COPS5: variants seen among roughly 807,000 people sequenced by gnomAD.
The protein encoded by COPS5 is COP9 signalosome subunit 5, also known as COP9 signalosome complex subunit 5.
Under a neutral mutation model 44.4 loss-of-function variants are expected in COPS5, and 8 were observed. The observed-to-expected ratio is 0.18, with a 90% confidence interval of 0.11 to 0.32. COPS5 has a LOEUF of 0.32. COPS5 is among the 10% of genes least tolerant of loss of function. The pLI is 1.00. For synonymous variants in COPS5, 122 were observed against 142.8 expected (o/e 0.85, Z 1.04); for missense variants, 159 against 406.4 (o/e 0.39, Z 5.23).
In COPS5 at chr8:67,043,089, A is replaced by G. The variant is rs891631537; in HGVS notation, c.*144T>C. On this transcript the variant is annotated 3_prime_UTR_variant, in exon 8 of 8. Transcript: ENST00000357849. Reference sequence around the variant, plus strand: ...AAAATCAAAGGACAATTTCATTTTAAAGAGCTTTATTACAGGATATTAATA... The same window carrying G: ...AAAATCAAAGGACAATTTCATTTTAGAGAGCTTTATTACAGGATATTAATA... The G allele has an allele frequency of 6.2e-6, 3 of 484,556 alleles. No homozygotes were observed. Among genetic ancestry groups the G allele is most frequent in the Non-Finnish European group, 1.1e-5 (3 of 270,588 alleles). The allele number at this position is 484,556 out of a possible 1,614,324, so 30.0% of individuals were successfully genotyped here. A position where few individuals can be genotyped will look rare whatever the true frequency, so the allele number is the denominator to read the frequency against.
At chr8:67,051,549 CCTT>C (rs1804412722) in intron 5 of COPS5, among the ~76,000 whole-genome samples, 1 of 152,168 alleles carries the variant, frequency 6.6e-6, no homozygotes, top group Non-Finnish European at 1.5e-5. Flanking sequence ...TTGTTTTATT[CCTT>C]TTTTTCTGTA....
At chr8:67,053,565 G>T (rs1425454932) in intron 5 of COPS5, among the ~76,000 whole-genome samples, 1 of 151,428 alleles carries the variant, frequency 6.6e-6, no homozygotes, top group African/African-American at 2.4e-5. Context: ...GCTGGGTGTG[G>T]TGGTGTGTGC....
intron 6 of COPS5, among the ~76,000 whole-genome samples, chr8:67,049,566 G>A (rs1246899079): frequency 1.3e-5 from 2 of 152,176 alleles, no homozygotes; most frequent in South Asian, 2.1e-4. Context: ...CATATTCTGG[G>A]AGAATAATTC....
At chr8:67,061,433 A>AAAAAG in intron 1 of COPS5, 3 of 447,288 alleles carry the variant, frequency 6.7e-6, no homozygotes. Flanking sequence ...CTATTAAAAA[A>AAAAAG]AAAAGAAAAG....
At chr8:67,056,710 T>C (rs1253906396) in intron 4 of COPS5, 106 bp from the exon 5 acceptor site, 1 of 106,324 alleles carries the variant, frequency 9.4e-6, no homozygotes, top group Non-Finnish European at 1.7e-5. Context: ...TATATATATA[T>C]AAAAATGAGA....
At chr8:67,057,297 TA>T in intron 4 of COPS5, 82 bp downstream of exon 4, 1 of 864,604 alleles carries the variant, frequency 1.2e-6, no homozygotes, top group Non-Finnish European at 1.8e-6. Context: ...TGTAGTACAC[TA>T]TGATCATGCC....
At chr8:67,055,518 C>A (rs999840911) in intron 5 of COPS5, among the ~76,000 whole-genome samples, 1 of 151,924 alleles carries the variant, frequency 6.6e-6, no homozygotes, top group Admixed American at 6.6e-5. Context: ...CCATTGGCTT[C>A]TTTAACATTA....
intron 6 of COPS5, among the ~76,000 whole-genome samples, chr8:67,050,070 G>A (rs1051015143): frequency 6.8e-6 from 1 of 147,412 alleles, no homozygotes; most frequent in African/African-American, 2.5e-5. Context: ...GCGCGATCTC[G>A]GCTCACTGCA....
intron 6 of COPS5, chr8:67,047,621 T>C (rs1816717227): frequency 2.1e-6 from 1 of 475,706 alleles, no homozygotes; most frequent in African/African-American, 1.9e-5. Context: ...TATATCTACA[T>C]ATTTGTTCTT....
At chr8:67,055,923 A>G (rs77590777) in intron 5 of COPS5, among the ~76,000 whole-genome samples, 12,540 of 151,958 alleles carry the variant, frequency 0.083, 1,052 homozygotes, top group African/African-American at 0.21. Flanking sequence ...TTACACTTTT[A>G]TAACTTTGAC....
chr8:67,058,708 A>G (rs1804545882), intron 2 of COPS5, among the ~76,000 whole-genome samples: 1 of 152,138 alleles, frequency 6.6e-6, no homozygotes. Context: ...AAAAAAAAAT[A>G]AAATCCATGC....
At chr8:67,060,888 C>G (rs1804592102) in intron 1 of COPS5, 1 of 172,304 alleles carries the variant, frequency 5.8e-6, no homozygotes, top group Non-Finnish European at 1.3e-5. Flanking sequence ...GTGGAAATCT[C>G]TAGCTAGGTG....
At chr8:67,054,209 G>A (rs1054938102) in intron 5 of COPS5, among the ~76,000 whole-genome samples, 1 of 152,076 alleles carries the variant, frequency 6.6e-6, no homozygotes, top group African/African-American at 2.4e-5. Context: ...AAGGAAGACA[G>A]AAGGATAAAC....
chr8:67,043,166 G>A lies in COPS5; in HGVS notation c.*67C>T, dbSNP rs1402634868. ...CTTCTAATCAGATTTTGGGTAACTG[G>A]TTTTAAAGTGTTACTTGAATATTTT... is the stretch of plus-strand genomic sequence containing the variant. On this transcript the variant is annotated 3_prime_UTR_variant, in exon 8 of 8. Transcript: ENST00000357849. 1 of 924,070 alleles carries A rather than the reference G, an allele frequency of 1.1e-6. No homozygotes were observed. The highest frequency in any genetic ancestry group is 2.6e-5 in the East Asian group (1 of 39,184). The allele number at this position is 924,070 out of a possible 1,614,324, so 57.2% of individuals were successfully genotyped here.
At position 67,062,121 on chromosome 8, in the gene COPS5, A is replaced by T. The variant is rs1175357586; in HGVS notation, c.-125T>A. On this transcript the variant is annotated 5_prime_UTR_variant, in exon 1 of 8. Transcript: ENST00000357849. ...AAACTCTTACCTAGACTCTTGGGGC[A>T]GCCATGACACCTAGAACCGGAGGTG... The T allele has an allele frequency of 9.7e-6, 15 of 1,550,880 alleles. No individual in the cohort carries two copies. The highest frequency in any genetic ancestry group is 8.7e-7 in the Non-Finnish European group (1 of 1,152,420).
At chr8:67,056,354 GCTAA>G (rs1294210158) in intron 5 of COPS5, among the ~76,000 whole-genome samples, 161 bp downstream of exon 5, 1 of 151,688 alleles carries the variant, frequency 6.6e-6, no homozygotes, top group Non-Finnish European at 1.5e-5. Context: ...ACTTCATCTG[GCTAA>G]CTTTTATAAC....
intron 6 of COPS5, among the ~76,000 whole-genome samples, chr8:67,049,378 C>T (rs112214262): frequency 0.035 from 5,322 of 151,948 alleles, 191 homozygotes; most frequent in African/African-American, 0.08. Context: ...GCAGAAGGAT[C>T]GCTCAAGCCT....
At position 67,045,904 on chromosome 8, in the gene COPS5, T is replaced by C. The variant is rs776216786; in HGVS notation, c.828A>G (p.Ser276=). The C allele has an allele frequency of 4.3e-6, 7 of 1,614,068 alleles. No homozygotes were observed. The highest frequency in any genetic ancestry group is 5.9e-6 in the Non-Finnish European group (7 of 1,180,004). ...VFDLSEKLEQ[S]EAQLGRGSFM... The stretch of plus-strand genomic sequence containing the variant: ...AACTCCCTCGTCCCAGCTGGGCTTC[T>C]GACTGCTCTAACTTTTCAGACAAAT... The change falls in exon 7 of 8, where the codon TCA becomes TCG. Residue 276 remains serine, a synonymous_variant. Coordinates refer to ENST00000357849, the MANE Select transcript of COPS5 (RefSeq NM_006837.3).
At chr8:67,052,596 T>G (rs559947981) in intron 5 of COPS5, among the ~76,000 whole-genome samples, 2 of 151,742 alleles carry the variant, frequency 1.3e-5, no homozygotes, top group South Asian at 4.2e-4. Context: ...TTTTGTATTT[T>G]TGGTAGAGAT....
Sources: gnomAD v4.1 joint callset for allele counts (sites outside exome capture counted in the v4.1 genomes callset) on GRCh38, gnomAD v4.1.1 for gene constraint, MANE v1.5 for transcripts, NCBI Gene and HGNC (gene_info 2026-07-23, HGNC 2026-07-21) for gene names.